Variants in EGFLAM observed in about 807,000 individuals in gnomAD.
The protein encoded by EGFLAM is EGF like, fibronectin type III and laminin G domains.
EGFLAM carries 79 observed loss-of-function variants against 113.1 expected under a neutral mutation model. That is an observed-to-expected ratio of 0.70 (90% CI 0.58 to 0.84). EGFLAM has a LOEUF of 0.84. Among genes scored for constraint, EGFLAM ranks in the 40% least tolerant of loss-of-function variants. EGFLAM has a pLI of 0.00. For synonymous variants in EGFLAM, 504 were observed against 487.6 expected (o/e 1.03, Z -0.44); for missense variants, 1,265 against 1,291.6 (o/e 0.98, Z 0.32).
rs535865099 is a variant in EGFLAM, at chr5:38,410,836, G to T, written c.1350-1668G>T. On this transcript the variant is annotated intron_variant, in intron 10 of 21. Transcript: ENST00000322350. Reference sequence around the variant, plus strand: ...CTGGCCAGCTTGCCAAAATGAGCCTGAAGACCTGGATTTTTATATTTTATG... The same window carrying T: ...CTGGCCAGCTTGCCAAAATGAGCCTTAAGACCTGGATTTTTATATTTTATG... Among the ~76,000 whole-genome samples the T allele has an allele frequency of 2.6e-5, 4 of 152,198 alleles. No homozygotes were observed. In the East Asian group the frequency reaches 7.7e-4, roughly 29 times the overall value.
chr5:38,265,559 T>G (rs956383898), intron 1 of EGFLAM, among the ~76,000 whole-genome samples: 7 of 152,202 alleles, frequency 4.6e-5, no homozygotes, highest in Non-Finnish European at 2.9e-5. Context: ...ATGGCAGCCT[T>G]TAGAGGAAAT....
intron 1 of EGFLAM, among the ~76,000 whole-genome samples, chr5:38,262,185 T>G (rs558905512): frequency 3.0e-4 from 46 of 152,266 alleles, no homozygotes; most frequent in African/African-American, 8.2e-4. Context: ...CTAGTGCTGG[T>G]CCCATCACCT....
intron 1 of EGFLAM, among the ~76,000 whole-genome samples, chr5:38,262,829 C>A (rs1757533717): frequency 1.3e-5 from 2 of 152,186 alleles, no homozygotes; most frequent in African/African-American, 4.8e-5. Flanking sequence ...GTTTCCATTT[C>A]TCTTGATAAA....
intron 6 of EGFLAM, among the ~76,000 whole-genome samples, chr5:38,390,603 C>T (rs1256418947): frequency 6.6e-6 from 1 of 152,226 alleles, no homozygotes; most frequent in Non-Finnish European, 1.5e-5. Flanking sequence ...GCTATCTTCA[C>T]TCCTGCTGAC....
At chr5:38,395,648 C>G (rs1229590415) in intron 6 of EGFLAM, among the ~76,000 whole-genome samples, 1 of 152,154 alleles carries the variant, frequency 6.6e-6, no homozygotes, top group Non-Finnish European at 1.5e-5. Context: ...TACACAGACT[C>G]AGGTGCTCAC....
chr5:38,384,532 G>C (rs566589508), intron 6 of EGFLAM, among the ~76,000 whole-genome samples: 13 of 152,242 alleles, frequency 8.5e-5, no homozygotes, highest in Admixed American at 7.8e-4. Context: ...AGAAGTACTG[G>C]GATGCCTTTG....
chr5:38,287,740 C>A (rs1758201127), intron 1 of EGFLAM, among the ~76,000 whole-genome samples: 1 of 152,150 alleles, frequency 6.6e-6, no homozygotes, highest in African/African-American at 2.4e-5. Flanking sequence ...GAACTCCCAA[C>A]CAGTCAGAAG....
At chr5:38,326,628 G>T (rs1036476555) in intron 1 of EGFLAM, among the ~76,000 whole-genome samples, 5 of 151,292 alleles carry the variant, frequency 3.3e-5, no homozygotes, top group African/African-American at 1.2e-4. Flanking sequence ...GAGTATCTGG[G>T]ACTACAGGCA....
intron 3 of EGFLAM, chr5:38,345,420 C>T (rs1428261): frequency 0.65 from 98,155 of 152,168 alleles, 31,746 homozygotes; most frequent in Admixed American, 0.67. Context: ...GCTTTCTCAC[C>T]GGGCTCAGTG....
At chr5:38,329,591 G>A (rs1158296454) in intron 1 of EGFLAM, among the ~76,000 whole-genome samples, 1 of 152,004 alleles carries the variant, frequency 6.6e-6, no homozygotes, top group African/African-American at 2.4e-5. Flanking sequence ...TTCCACTTTT[G>A]TTCTGTCTTT....
chr5:38,313,575 A>G (rs896395699), intron 1 of EGFLAM, among the ~76,000 whole-genome samples: 2 of 152,218 alleles, frequency 1.3e-5, no homozygotes, highest in Non-Finnish European at 2.9e-5. Flanking sequence ...GTCATCATAC[A>G]TCGCCTAATT....
At chr5:38,413,387 C>G (rs1393693606) in intron 11 of EGFLAM, among the ~76,000 whole-genome samples, 1 of 151,750 alleles carries the variant, frequency 6.6e-6, no homozygotes, top group African/African-American at 2.4e-5. Context: ...GTGTTGCAAT[C>G]CTGTGCTTTA....
chr5:38,350,649 G>A (rs1444763364), intron 4 of EGFLAM, 31 bp downstream of exon 4: 1 of 1,595,176 alleles, frequency 6.3e-7, no homozygotes, highest in Non-Finnish European at 8.6e-7. Flanking sequence ...TTAATAGGTG[G>A]CAGGCTGCTA....
rs903495120 is a variant in EGFLAM at position 38,258,667 on chromosome 5, T to G, written c.-88T>G. Reference sequence around the variant, plus strand: ...CTCCTCGCCCCGGCCCGGGGATCCGTTGGGGCCGCGTCCCCCACGCGCCCC... The same window carrying G: ...CTCCTCGCCCCGGCCCGGGGATCCGGTGGGGCCGCGTCCCCCACGCGCCCC... On this transcript the variant is annotated 5_prime_UTR_variant, in exon 1 of 22. Transcript: ENST00000322350. 48 of 1,417,942 alleles carry G rather than the reference T, an allele frequency of 3.4e-5. No individual in the cohort carries two copies. Among genetic ancestry groups the G allele is most frequent in the Middle Eastern group, 1.8e-4 (1 of 5,458 alleles). 87.8% of individuals were successfully genotyped at this position (1,417,942 alleles called of 1,614,324 possible). A position where few individuals can be genotyped will look rare whatever the true frequency, so the allele number is the denominator to read the frequency against.
intron 4 of EGFLAM, among the ~76,000 whole-genome samples, chr5:38,351,139 C>T (rs370892325): frequency 6.9e-6 from 1 of 145,914 alleles, no homozygotes; most frequent in Non-Finnish European, 1.5e-5. Flanking sequence ...GACAGAGTCT[C>T]ACTCTGTCAC....
At chr5:38,292,875 A>G (rs771104488) in intron 1 of EGFLAM, among the ~76,000 whole-genome samples, 1 of 152,226 alleles carries the variant, frequency 6.6e-6, no homozygotes, top group Non-Finnish European at 1.5e-5. Flanking sequence ...CAGAGTTTCT[A>G]TGGGGAACCA....
intron 1 of EGFLAM, among the ~76,000 whole-genome samples, chr5:38,287,436 A>G (rs1287293089): frequency 6.6e-6 from 1 of 152,120 alleles, no homozygotes; most frequent in African/African-American, 2.4e-5. Flanking sequence ...CAGTGGCACA[A>G]TCTTGGCTCA....
chr5:38,351,551 A>C lies in EGFLAM; in HGVS notation c.410-645A>C, dbSNP rs184703274. 1.3e-3 allele frequency among the ~76,000 whole-genome samples: 198 copies of C among 152,270 alleles called. 2 individuals carry two copies. The highest frequency in any genetic ancestry group is 3.4e-4 in the Non-Finnish European group (23 of 68,022). Reference sequence around the variant, plus strand: ...TGCATAGGATTTTGCTAGGAAGAAAAGACAGGAAAGGTCTCCCAGGCAGAT... The same window carrying C: ...TGCATAGGATTTTGCTAGGAAGAAACGACAGGAAAGGTCTCCCAGGCAGAT... On this transcript the variant is annotated intron_variant, in intron 4 of 21. Transcript: ENST00000322350.
At chr5:38,386,302 T>C (rs1286409680) in intron 6 of EGFLAM, among the ~76,000 whole-genome samples, 2 of 151,992 alleles carry the variant, frequency 1.3e-5, no homozygotes, top group Non-Finnish European at 2.9e-5. Context: ...GTTCAAGCAA[T>C]GTCTCCTGCC....
Sources: allele counts gnomAD v4.1 joint callset (sites outside exome capture counted in the v4.1 genomes callset), GRCh38; gene constraint gnomAD v4.1.1; transcripts MANE v1.5; gene names NCBI Gene and HGNC (gene_info 2026-07-23, HGNC 2026-07-21).